LINGO2: variants seen among roughly 807,000 people sequenced by gnomAD.
LINGO2 encodes the protein leucine-rich repeat and immunoglobulin-like domain-containing nogo receptor-interacting protein 2.
Under a neutral mutation model 30.6 loss-of-function variants are expected in LINGO2, and 14 were observed. That is an observed-to-expected ratio of 0.46 (90% confidence interval 0.30 to 0.72). The LOEUF (loss-of-function observed/expected upper bound fraction) is 0.72. Among genes scored for constraint, LINGO2 ranks in the 30% least tolerant of loss-of-function variants. The pLI is 0.07. For missense variants in LINGO2, 729 were observed against 751.7 expected (o/e 0.97, Z 0.35); for synonymous variants, 317 against 288.5 (o/e 1.10, Z -1.00).
chr9:28,435,410 T>G (rs1367611706), intron 2 of LINGO2, among the ~76,000 whole-genome samples: 1 of 152,160 alleles, frequency 6.6e-6, no homozygotes, highest in Non-Finnish European at 1.5e-5. Context: ...AACTTCTAAA[T>G]TAGCAAAAAT....
chr9:28,378,920 C>G (rs1336678004), intron 2 of LINGO2, among the ~76,000 whole-genome samples: 1 of 152,044 alleles, frequency 6.6e-6, no homozygotes, highest in Non-Finnish European at 1.5e-5. Context: ...TTTCCTATAG[C>G]TGAGTGACTG....
the LINGO2 span, among the ~76,000 whole-genome samples, chr9:29,012,780 T>G: frequency 1.3e-5 from 2 of 152,286 alleles, no homozygotes; most frequent in African/African-American, 2.4e-5. Context: ...ACAAAACATC[T>G]ACTTTTGCTT....
intron 1 of LINGO2, among the ~76,000 whole-genome samples, chr9:28,514,060 G>A (rs1014923968): frequency 3.9e-5 from 6 of 152,092 alleles, no homozygotes; most frequent in African/African-American, 1.4e-4. Flanking sequence ...TCTGATCCAC[G>A]ATCTTTGACG....
chr9:28,870,758 T>G, the LINGO2 span, among the ~76,000 whole-genome samples: 1 of 152,028 alleles, frequency 6.6e-6, no homozygotes, highest in African/African-American at 2.4e-5. Context: ...AACTAATTAT[T>G]TGAACTTTTA....
intron 4 of LINGO2, among the ~76,000 whole-genome samples, chr9:28,249,850 G>A (rs931417134): frequency 1.3e-5 from 2 of 152,042 alleles, no homozygotes; most frequent in East Asian, 1.9e-4. Context: ...ATTCTTCCTT[G>A]AAGTGATAGA....
chr9:28,607,348 T>A (rs959861082), intron 1 of LINGO2, among the ~76,000 whole-genome samples: 4 of 151,950 alleles, frequency 2.6e-5, no homozygotes, highest in Non-Finnish European at 4.4e-5. Flanking sequence ...CATATATTGG[T>A]TTTATCATGT....
chr9:28,663,016 T>G (rs1828640252), intron 1 of LINGO2, among the ~76,000 whole-genome samples: 1 of 152,122 alleles, frequency 6.6e-6, no homozygotes, highest in Non-Finnish European at 1.5e-5. Context: ...ACTTTTCTTC[T>G]CCATTATCTT....
intron 4 of LINGO2, among the ~76,000 whole-genome samples, chr9:28,277,337 G>A (rs1323893360): frequency 6.6e-6 from 1 of 152,116 alleles, no homozygotes; most frequent in Admixed American, 6.5e-5. Context: ...ACCGATAAAT[G>A]TATGTGTTCT....
At chr9:28,891,016 T>C in the LINGO2 span, among the ~76,000 whole-genome samples, 1 of 152,112 alleles carries the variant, frequency 6.6e-6, no homozygotes, top group African/African-American at 2.4e-5. Flanking sequence ...TCATTTCCTT[T>C]ATAGTGTTTG....
chr9:28,073,412 T>C (rs1455313761), intron 4 of LINGO2, among the ~76,000 whole-genome samples: 1 of 152,100 alleles, frequency 6.6e-6, no homozygotes. Context: ...TATTAATAGT[T>C]AAAACAAAAA....
intron 4 of LINGO2, among the ~76,000 whole-genome samples, chr9:28,168,426 G>A (rs1017285142): frequency 6.6e-6 from 1 of 152,220 alleles, no homozygotes; most frequent in East Asian, 1.9e-4. Context: ...AGAAAAAATT[G>A]TTTCCTTTGC....
the LINGO2 span, among the ~76,000 whole-genome samples, chr9:28,890,459 G>A: frequency 3.3e-5 from 5 of 152,218 alleles, no homozygotes; most frequent in African/African-American, 1.2e-4. Context: ...TGAGGTGGAA[G>A]AAGAATGCCA....
intron 2 of LINGO2, among the ~76,000 whole-genome samples, chr9:28,425,653 T>C (rs1473823175): frequency 6.6e-6 from 1 of 151,998 alleles, no homozygotes; most frequent in African/African-American, 2.4e-5. Flanking sequence ...ACTTATCTAG[T>C]AGAAATCAAA....
At chr9:28,819,754 G>A in the LINGO2 span, among the ~76,000 whole-genome samples, 4 of 152,202 alleles carry the variant, frequency 2.6e-5, no homozygotes, top group South Asian at 6.2e-4. Flanking sequence ...TTGCCTTGGT[G>A]CTGACCATTA....
intron 4 of LINGO2, among the ~76,000 whole-genome samples, chr9:28,064,914 G>C (rs755096326): frequency 6.6e-6 from 1 of 151,586 alleles, no homozygotes; most frequent in Non-Finnish European, 1.5e-5. Flanking sequence ...AGAACATCTT[G>C]AAAACACAGG....
At chr9:28,416,726 A>T (rs2134851294) in intron 2 of LINGO2, among the ~76,000 whole-genome samples, 1 of 152,310 alleles carries the variant, frequency 6.6e-6, no homozygotes, top group Admixed American at 6.5e-5. Flanking sequence ...TCTCAAAAGC[A>T]ATGAACAGTG....
At chr9:29,171,791 A>G in the LINGO2 span, among the ~76,000 whole-genome samples, 75 of 152,058 alleles carry the variant, frequency 4.9e-4, 1 homozygote, top group African/African-American at 1.7e-3. Context: ...CCAACATTAT[A>G]TAATTGATAG....
intron 1 of LINGO2, among the ~76,000 whole-genome samples, chr9:28,489,142 G>T (rs1361885728): frequency 6.6e-6 from 1 of 152,146 alleles, no homozygotes; most frequent in African/African-American, 2.4e-5. Flanking sequence ...TAAATTGTCA[G>T]TTTCCAGAAT....
intron 2 of LINGO2, among the ~76,000 whole-genome samples, chr9:28,400,113 G>A (rs886382813): frequency 6.6e-6 from 1 of 152,154 alleles, no homozygotes; most frequent in Admixed American, 6.6e-5. Context: ...GTCTGAAGCA[G>A]ACAGAGTGAC....
Sources: allele counts gnomAD v4.1 joint callset (sites outside exome capture counted in the v4.1 genomes callset), GRCh38; gene constraint gnomAD v4.1.1; transcripts MANE v1.5; gene names NCBI Gene and HGNC (gene_info 2026-07-23, HGNC 2026-07-21).